MYO10: variants seen among roughly 807,000 people sequenced by gnomAD.
MYO10 encodes unconventional myosin-X.
In MYO10, 133 loss-of-function variants were observed where a neutral mutation model predicts 257.3. The ratio of observed to expected loss-of-function variants is 0.52; its 90% confidence interval spans 0.45 to 0.60. The LOEUF (loss-of-function observed/expected upper bound fraction) is 0.60, where lower values mean the gene tolerates loss of function less well. MYO10 is among the 20% of genes least tolerant of loss of function. The pLI, the probability that MYO10 is intolerant of heterozygous loss-of-function variation, is 0.00. For missense variants in MYO10, 2,399 were observed against 2,635.7 expected (o/e 0.91, Z 1.97); for synonymous variants, 1,104 against 1,028.6 (o/e 1.07, Z -1.40).
At position 16,701,182 on chromosome 5, in the gene MYO10, G is replaced by A. The variant is rs761514009; in HGVS notation, c.3213C>T (p.Ser1071=). The change falls in exon 25 of 41, where the codon TCC becomes TCT. Residue 1071 remains serine (S), a synonymous_variant. Transcript: ENST00000513610. This position sits in a 1 kb window ranked among gnomAD's most constrained non-coding sequence, Gnocchi z 8.1. ...GSLHNSSSGE[S]TYCMPQNAGD... ...CAGCGTTCTGGGGCATGCAGTAGGT[G>A]GACTCGCCGCTGGAGGAGTTGTGTA... 5.6e-6 allele frequency: 9 copies of A among 1,607,980 alleles called. No homozygotes were observed. Among genetic ancestry groups the A allele is most frequent in the Admixed American group, 1.7e-5 (1 of 59,022 alleles).
At chr5:16,667,085 A>G (rs1370899985) in intron 40 of MYO10, among the ~76,000 whole-genome samples, 11 of 152,228 alleles carry the variant, frequency 7.2e-5, no homozygotes, top group African/African-American at 2.7e-4. Flanking sequence ...CTAACCGAGG[A>G]CGCTGAAGTT....
At position 16,674,215 on chromosome 5, in the gene MYO10, C is replaced by T. The variant is rs532253376; in HGVS notation, c.4965-326G>A. ...GGGCGCCGTGGCTAACGCCTGTAATCCCAGCACTTTGGGAGGCCGAGGCGG... is the reference window on the plus strand; with the variant it reads ...GGGCGCCGTGGCTAACGCCTGTAATTCCAGCACTTTGGGAGGCCGAGGCGG... On this transcript the variant is annotated intron_variant, in intron 35 of 40. Coordinates refer to ENST00000513610, the MANE Select transcript of MYO10 (RefSeq NM_012334.3). Among the ~76,000 whole-genome samples the T allele has an allele frequency of 5.7e-4, 87 of 152,348 alleles. No homozygotes were observed. The Middle Eastern group carries it at 0.024, about 42-fold the overall frequency.
intron 2 of MYO10, among the ~76,000 whole-genome samples, chr5:16,863,060 G>C (rs1296499820): frequency 6.6e-6 from 1 of 152,178 alleles, no homozygotes; most frequent in Non-Finnish European, 1.5e-5. Context: ...AAGAGGTGTA[G>C]TCTACAGACC....
At chr5:16,765,145 G>T (rs1041480401) in intron 11 of MYO10, among the ~76,000 whole-genome samples, 1 of 152,136 alleles carries the variant, frequency 6.6e-6, no homozygotes, top group African/African-American at 2.4e-5. Flanking sequence ...TTAATACTGA[G>T]TGTCAACTTG....
intron 19 of MYO10, among the ~76,000 whole-genome samples, chr5:16,721,499 A>G (rs977421080): frequency 9.9e-5 from 15 of 152,252 alleles, no homozygotes; most frequent in African/African-American, 3.6e-4. Context: ...GCTACTTGCT[A>G]ATTTTCACAT....
chr5:16,910,048 C>A (rs1350071209), intron 1 of MYO10, among the ~76,000 whole-genome samples: 2 of 152,104 alleles, frequency 1.3e-5, no homozygotes, highest in African/African-American at 4.8e-5. Flanking sequence ...AAATAAACTT[C>A]TTTTTCTTAT....
chr5:16,695,123 CA>C (rs2126533001), intron 26 of MYO10, among the ~76,000 whole-genome samples: 1 of 152,262 alleles, frequency 6.6e-6, no homozygotes, highest in South Asian at 2.1e-4. Context: ...CACTTGAGGT[CA>C]GGAGTTCAAG....
chr5:16,862,033 C>T (rs1188330663), intron 2 of MYO10, among the ~76,000 whole-genome samples: 2 of 152,132 alleles, frequency 1.3e-5, no homozygotes, highest in African/African-American at 4.8e-5. Context: ...CAATCTCTCC[C>T]CTTTACCCAT....
At chr5:16,809,688 CT>C (rs1742376410) in intron 3 of MYO10, among the ~76,000 whole-genome samples, 1 of 152,222 alleles carries the variant, frequency 6.6e-6, no homozygotes, top group Non-Finnish European at 1.5e-5. Context: ...TTTGAAACAT[CT>C]AAAAATACAT....
intron 4 of MYO10, among the ~76,000 whole-genome samples, chr5:16,789,540 C>T (rs1254355962): frequency 6.6e-6 from 1 of 152,154 alleles, no homozygotes; most frequent in Non-Finnish European, 1.5e-5. Flanking sequence ...GTAATCTTAG[C>T]ACTTTGGGAG....
intron 19 of MYO10, among the ~76,000 whole-genome samples, chr5:16,725,802 T>G (rs1336686540): frequency 2.3e-5 from 3 of 131,044 alleles, no homozygotes; most frequent in East Asian, 4.1e-4. Flanking sequence ...TTTTTTTTTT[T>G]TGTGAGGCGG....
intron 39 of MYO10, 73 bp from the exon 40 acceptor site, chr5:16,668,541 C>T: frequency 7.6e-7 from 1 of 1,316,804 alleles, no homozygotes; most frequent in South Asian, 1.5e-5. Flanking sequence ...AACCATAAGA[C>T]AGGCTTTGAG....
chr5:16,738,617 G>T (rs1739898168), intron 19 of MYO10, among the ~76,000 whole-genome samples: 1 of 152,028 alleles, frequency 6.6e-6, no homozygotes. Flanking sequence ...AAGAGGCCGA[G>T]CATGGTGACT....
At chr5:16,671,309 A>G in intron 38 of MYO10, 113 bp downstream of exon 38, 3 of 1,311,756 alleles carry the variant, frequency 2.3e-6, no homozygotes, top group Non-Finnish European at 3.1e-6. Flanking sequence ...CTTTGCTGGG[A>G]AATCCACAGG....
intron 1 of MYO10, among the ~76,000 whole-genome samples, chr5:16,920,494 G>A (rs1745951556): frequency 6.6e-6 from 1 of 152,186 alleles, no homozygotes; most frequent in African/African-American, 2.4e-5. Flanking sequence ...AAAAGAAGTA[G>A]GTGCTGGGGG....
chr5:16,673,635 T>C (rs1226504157), intron 36 of MYO10, 47 bp downstream of exon 36: 1 of 1,573,442 alleles, frequency 6.4e-7, no homozygotes, highest in South Asian at 1.1e-5. Flanking sequence ...CAGGTGTATC[T>C]GCAGCAAAGG....
At chr5:16,745,738 T>C (rs1182552819) in intron 19 of MYO10, among the ~76,000 whole-genome samples, 1 of 152,168 alleles carries the variant, frequency 6.6e-6, no homozygotes, top group Non-Finnish European at 1.5e-5. Flanking sequence ...CCTGGCTACC[T>C]TTAAGTGTTA....
intron 1 of MYO10, among the ~76,000 whole-genome samples, chr5:16,882,431 ATTT>A (rs546647118): frequency 1.8e-3 from 275 of 152,204 alleles, no homozygotes; most frequent in African/African-American, 6.2e-3. Context: ...TCAAAAAAAA[ATTT>A]TTTTAAGTCT....
chr5:16,915,754 G>A (rs919026612), intron 1 of MYO10, among the ~76,000 whole-genome samples: 2 of 152,124 alleles, frequency 1.3e-5, no homozygotes, highest in East Asian at 1.9e-4. Context: ...TCAGGAGTTC[G>A]AGACCAGCCT....
Sources: gnomAD v4.1 joint callset for allele counts (sites outside exome capture counted in the v4.1 genomes callset) on GRCh38, gnomAD v4.1.1 for gene constraint, Gnocchi (gnomAD v3.1) non-coding constraint, MANE v1.5 for transcripts, NCBI Gene and HGNC (gene_info 2026-07-23, HGNC 2026-07-21) for gene names.